The following WDR27 variants were observed in gnomAD, a reference collection of about 807,000 sequenced individuals.
WDR27 encodes the protein WD repeat-containing protein 27.
WDR27 carries 100 observed loss-of-function variants against 114.4 expected under a neutral mutation model. The observed-to-expected ratio is 0.87, with a 90% CI of 0.74 to 1.03. WDR27 has a LOEUF of 1.03. Among genes scored for constraint, WDR27 ranks in the 50% least tolerant of loss-of-function variants. The pLI is 0.00. For synonymous variants in WDR27, 449 were observed against 423.1 expected, an observed-to-expected ratio of 1.06 and a Z score of -0.75; for missense variants, 1,129 against 1,092.9, an observed-to-expected ratio of 1.03 and a Z score of -0.47.
chr6:169,511,705 T>A (rs1792910918), intron 25 of WDR27, among the ~76,000 whole-genome samples: 1 of 151,834 alleles, frequency 6.6e-6, no homozygotes, highest in Non-Finnish European at 1.5e-5. Flanking sequence ...AAAAAAAAAA[T>A]ATTTGCCAAC....
At chr6:169,471,837 T>A (rs1786440089) in intron 25 of WDR27, among the ~76,000 whole-genome samples, 1 of 152,176 alleles carries the variant, frequency 6.6e-6, no homozygotes, top group Non-Finnish European at 1.5e-5. Flanking sequence ...GGTTGGGAAG[T>A]CCAAGATCAT....
intron 18 of WDR27, among the ~76,000 whole-genome samples, chr6:169,637,951 C>A (rs1223742955): frequency 6.6e-6 from 1 of 151,232 alleles, no homozygotes; most frequent in Non-Finnish European, 1.5e-5. Flanking sequence ...TGTAAGTGTG[C>A]GTATGTGTAT....
intron 2 of WDR27, among the ~76,000 whole-genome samples, chr6:169,678,886 C>T (rs1780751370): frequency 6.6e-6 from 1 of 152,124 alleles, no homozygotes; most frequent in South Asian, 2.1e-4. Flanking sequence ...CTTTCCAGAT[C>T]CAGGAGATAA....
chr6:169,630,689 T>G (rs1261264040), intron 21 of WDR27, among the ~76,000 whole-genome samples: 1 of 151,624 alleles, frequency 6.6e-6, no homozygotes, highest in Admixed American at 6.6e-5. Flanking sequence ...AGGTCAGGAG[T>G]TCGAGACTAG....
At chr6:169,432,683 T>C in the WDR27 span, among the ~76,000 whole-genome samples, 1 of 152,220 alleles carries the variant, frequency 6.6e-6, no homozygotes, top group Non-Finnish European at 1.5e-5. Context: ...CCTCTTTTTC[T>C]TTATAAATTA....
intron 25 of WDR27, among the ~76,000 whole-genome samples, chr6:169,530,742 G>T (rs1185897499): frequency 3.9e-5 from 6 of 152,126 alleles, no homozygotes; most frequent in African/African-American, 1.4e-4. Context: ...ACAGAACATC[G>T]AACCTCTCCA....
intron 25 of WDR27, among the ~76,000 whole-genome samples, chr6:169,518,509 T>C (rs1476641355): frequency 6.6e-6 from 1 of 152,236 alleles, no homozygotes; most frequent in Non-Finnish European, 1.5e-5. Context: ...TGGGGTCCTT[T>C]GAGCTGTGGC....
Position 169,633,006 on chromosome 6 carries a change from T to C in WDR27, c.2164A>G (p.Ser722Gly), listed in dbSNP as rs1360458645. Residue 722 changes from serine to glycine, a missense_variant, in exon 21 of 26, where the codon AGT becomes GGT. Ser to Gly is a moderately conservative substitution (Grantham distance 56). Coordinates refer to ENST00000448612, the MANE Select transcript of WDR27 (RefSeq NM_182552.5). ...TGGGCTTCCGCTATCACCGCTGCAC[T>C]GCAGCCGGCGTTGAGGTCAAACACT... is the stretch of plus-strand genomic sequence containing the variant. ...VEVFDLNAGC[S>G]AAVIAEAHSR... The C allele has an allele frequency of 5.0e-6, 8 of 1,599,380 alleles. No homozygotes were observed. Among genetic ancestry groups the C allele is most frequent in the African/African-American group, 1.3e-5 (1 of 74,840 alleles).
chr6:169,620,389 T>C (rs1463680773), intron 21 of WDR27, among the ~76,000 whole-genome samples: 1 of 152,118 alleles, frequency 6.6e-6, no homozygotes, highest in Non-Finnish European at 1.5e-5. Flanking sequence ...CAAAGGACAG[T>C]CAGAACTCAA....
At chr6:169,631,794 C>T (rs1816470260) in intron 21 of WDR27, among the ~76,000 whole-genome samples, 1 of 152,182 alleles carries the variant, frequency 6.6e-6, no homozygotes, top group Non-Finnish European at 1.5e-5. Flanking sequence ...TGTAATTTAA[C>T]TTAGCAGCCC....
chr6:169,507,628 A>C (rs2115513774), intron 25 of WDR27, among the ~76,000 whole-genome samples: 1 of 152,338 alleles, frequency 6.6e-6, no homozygotes. Context: ...CTTTCAGGAA[A>C]GTTTTCAGCA....
intron 22 of WDR27, among the ~76,000 whole-genome samples, chr6:169,613,352 C>G (rs1376959330): frequency 6.6e-6 from 1 of 152,170 alleles, no homozygotes; most frequent in Non-Finnish European, 1.5e-5. Context: ...TGGGGTTACT[C>G]TCCTAAGCCA....
At chr6:169,563,463 C>G (rs1411571241) in intron 25 of WDR27, among the ~76,000 whole-genome samples, 1 of 152,196 alleles carries the variant, frequency 6.6e-6, no homozygotes, top group Admixed American at 6.5e-5. Flanking sequence ...TGTGCCTGAA[C>G]TAACATCCGT....
intron 25 of WDR27, chr6:169,559,461 T>C (rs1799365032): frequency 6.6e-6 from 1 of 151,986 alleles, no homozygotes; most frequent in Non-Finnish European, 1.5e-5. Flanking sequence ...AAATTGTACA[T>C]GAAAACACAC....
chr6:169,504,798 T>A (rs1329254010), intron 25 of WDR27, among the ~76,000 whole-genome samples: 1 of 152,108 alleles, frequency 6.6e-6, no homozygotes, highest in African/African-American at 2.4e-5. Flanking sequence ...TAGGTCTTGC[T>A]ATGTTGCCCA....
At chr6:169,437,310 C>A in the WDR27 span, among the ~76,000 whole-genome samples, 1 of 152,048 alleles carries the variant, frequency 6.6e-6, no homozygotes, top group African/African-American at 2.4e-5. Context: ...TGATTAAGGA[C>A]CAAAGTCTGG....
chr6:169,505,685 C>T (rs969851293), intron 25 of WDR27, among the ~76,000 whole-genome samples: 5 of 152,334 alleles, frequency 3.3e-5, no homozygotes, highest in African/African-American at 9.6e-5. Flanking sequence ...TCCTCAACTG[C>T]GTAGAAGGCA....
Position 169,674,859 on chromosome 6 carries a change from G to A in WDR27, c.190-2463C>T, listed in dbSNP as rs140235449. Among the ~76,000 whole-genome samples the A allele has an allele frequency of 1.6e-3, 247 of 152,282 alleles. 1 individual carries two copies. The highest frequency in any genetic ancestry group is 5.6e-3 in the African/African-American group (233 of 41,552). ...AGAGTTAGCAAAGGGCAATGGGGTG[G>A]GGTTTTATAGGATTTGGGTAGGTAA... On this transcript the variant is annotated intron_variant, in intron 2 of 25. Coordinates refer to ENST00000448612, the MANE Select transcript of WDR27 (RefSeq NM_182552.5).
chr6:169,666,533 C>T (rs1203231632), intron 6 of WDR27: 9 of 985,412 alleles, frequency 9.1e-6, no homozygotes, highest in African/African-American at 1.7e-5. Context: ...GCCAGGAGGA[C>T]AAGCACAGGG....
Sources: allele counts gnomAD v4.1 joint callset (sites outside exome capture counted in the v4.1 genomes callset), GRCh38; gene constraint gnomAD v4.1.1; transcripts MANE v1.5; gene names NCBI Gene and HGNC (gene_info 2026-07-23, HGNC 2026-07-21).